EXOC2: variants seen among roughly 807,000 people sequenced by gnomAD.
EXOC2 encodes the protein SEC5-like 1.
Under a neutral mutation model 131.8 loss-of-function variants are expected in EXOC2, and 70 were observed. The observed-to-expected ratio is 0.53, with a 90% CI of 0.44 to 0.65. The LOEUF (loss-of-function observed/expected upper bound fraction) is 0.65. Among genes scored for constraint, EXOC2 ranks in the 30% least tolerant of loss-of-function variants. The probability of loss-of-function intolerance (pLI) is 0.00; values close to 1 mark genes in which losing one functional copy is unlikely to be tolerated. For missense variants in EXOC2, 923 were observed against 1,108.6 expected (o/e 0.83, Z 2.38); for synonymous variants, 411 against 398.4 (o/e 1.03, Z -0.38).
intron 1 of EXOC2, among the ~76,000 whole-genome samples, chr6:654,789 G>A (rs112104990): frequency 0.021 from 1,895 of 88,966 alleles, 38 homozygotes; most frequent in African/African-American, 0.073. Flanking sequence ...GGGTGACAGA[G>A]TAAGACCCTG....
At position 598,112 on chromosome 6, in the gene EXOC2, C is replaced by T. The variant is rs1411796483; in HGVS notation, c.982G>A (p.Val328Ile). The T allele has an allele frequency of 8.1e-6, 13 of 1,608,776 alleles. No homozygotes were observed. The highest frequency in any genetic ancestry group is 1.7e-5 in the Admixed American group (1 of 59,738). ...CTTAAAGCTTCAATCCTTGTTTCTACTTCAGCATAATCTATTTAAAAAGAA... is the reference window on the plus strand; with the variant it reads ...CTTAAAGCTTCAATCCTTGTTTCTATTTCAGCATAATCTATTTAAAAAGAA... ...VQVFKKYYAE[V>I]ETRIEALREL... Residue 328 changes from valine (V) to isoleucine (I), a missense_variant, in exon 10 of 28, where the codon GTA (valine) becomes ATA (isoleucine). Transcript: ENST00000230449.
chr6:589,584 A>G (rs929253687), intron 11 of EXOC2, among the ~76,000 whole-genome samples: 4 of 152,214 alleles, frequency 2.6e-5, no homozygotes, highest in East Asian at 1.9e-4. Context: ...AACTGAATAC[A>G]TGCCTATGTG....
intron 13 of EXOC2, among the ~76,000 whole-genome samples, chr6:565,840 ATATATT>A (rs1367211092): frequency 6.6e-6 from 1 of 152,216 alleles, no homozygotes; most frequent in East Asian, 1.9e-4. Flanking sequence ...CACGTTGTAT[ATATATT>A]TATTTCTGTA....
intron 23 of EXOC2, among the ~76,000 whole-genome samples, chr6:516,647 A>G (rs538421068): frequency 4.6e-5 from 7 of 152,372 alleles, no homozygotes; most frequent in Non-Finnish European, 7.3e-5. Context: ...CCAGGAGGAA[A>G]TAATAGCTGG....
At position 491,223 on chromosome 6, in the gene EXOC2, AT is replaced by A. The variant is rs769140655; in HGVS notation, c.2560-38del. 2.4e-5 allele frequency: 38 copies of A among 1,604,466 alleles called. No individual in the cohort carries two copies. The Admixed American group carries it at 2.5e-4, about 11-fold the overall frequency. On this transcript the variant is annotated intron_variant, in intron 25 of 27. Transcript: ENST00000230449. ...AAAAAGACAAAGTGACAACAGGAAA[AT>A]TTATATTATCAAATATAAACAAGTA...
Position 546,868 on chromosome 6 carries a change from T to C in EXOC2, c.2238+2307A>G, listed in dbSNP as rs571815198. On this transcript the variant is annotated intron_variant, in intron 22 of 27. Transcript: ENST00000230449. ...TTTTAGGGTGGTCAAAAGTTACACT[T>C]AGATTTTCGACTGCACAGGGGGTTG... Among the ~76,000 whole-genome samples the C allele has an allele frequency of 5.3e-5, 8 of 152,348 alleles. No homozygotes were observed. The South Asian group carries it at 1.7e-3, about 32-fold the overall frequency.
chr6:657,781 A>C (rs1261315263), intron 1 of EXOC2, among the ~76,000 whole-genome samples: 4 of 149,694 alleles, frequency 2.7e-5, no homozygotes, highest in Non-Finnish European at 5.9e-5. Flanking sequence ...AAAAAAAAAA[A>C]ATTCAACTTG....
At chr6:529,869 G>C (rs1561820495) in intron 23 of EXOC2, among the ~76,000 whole-genome samples, 3 of 152,186 alleles carry the variant, frequency 2.0e-5, no homozygotes. Context: ...AATCACAGGG[G>C]AAGATACGAA....
intron 23 of EXOC2, among the ~76,000 whole-genome samples, chr6:501,269 T>A (rs868599986): frequency 2.5e-4 from 2 of 7,916 alleles, no homozygotes; most frequent in African/African-American, 4.1e-4. Flanking sequence ...ATCTATATAT[T>A]ATATATATCT....
chr6:573,332 C>T (rs1034137600), intron 12 of EXOC2, among the ~76,000 whole-genome samples: 1 of 152,198 alleles, frequency 6.6e-6, no homozygotes, highest in African/African-American at 2.4e-5. Context: ...TCAGGACCCA[C>T]TCACCATGTC....
chr6:659,380 T>C (rs1763308519), intron 1 of EXOC2, among the ~76,000 whole-genome samples: 1 of 152,220 alleles, frequency 6.6e-6, no homozygotes, highest in South Asian at 2.1e-4. Flanking sequence ...CTGCCCTCCA[T>C]GGAATTTTAG....
chr6:674,141 C>A (rs1400171697), intron 1 of EXOC2, among the ~76,000 whole-genome samples: 1 of 152,178 alleles, frequency 6.6e-6, no homozygotes, highest in Non-Finnish European at 1.5e-5. Context: ...AAAATACCAA[C>A]TTGATCATAA....
At chr6:625,329 T>C (rs1477458528) in intron 4 of EXOC2, among the ~76,000 whole-genome samples, 2 of 152,248 alleles carry the variant, frequency 1.3e-5, no homozygotes, top group East Asian at 1.9e-4. Context: ...AGCGGTGTTA[T>C]TCCGCGCTTG....
chr6:499,529 C>A, intron 24 of EXOC2, 116 bp downstream of exon 24: 2 of 770,254 alleles, frequency 2.6e-6, no homozygotes, highest in South Asian at 1.7e-5. Flanking sequence ...TTATTTATAC[C>A]CAAGACACAT....
At chr6:534,976 A>G (rs998893917) in intron 22 of EXOC2, among the ~76,000 whole-genome samples, 1 of 152,240 alleles carries the variant, frequency 6.6e-6, no homozygotes, top group Admixed American at 6.5e-5. Context: ...CAAAATCTGC[A>G]AGAGAGAACC....
intron 1 of EXOC2, among the ~76,000 whole-genome samples, chr6:649,754 T>C (rs955741126): frequency 1.3e-5 from 2 of 152,240 alleles, no homozygotes; most frequent in African/African-American, 4.8e-5. Context: ...AAGTCTGTCA[T>C]ATGAATAAGC....
intron 17 of EXOC2, among the ~76,000 whole-genome samples, chr6:560,681 T>C (rs1254361440): frequency 1.3e-5 from 2 of 152,074 alleles, no homozygotes; most frequent in East Asian, 3.8e-4. Flanking sequence ...TTGTGACGAA[T>C]AGAAACCCAA....
chr6:509,225 G>A (rs1370068657), intron 23 of EXOC2, among the ~76,000 whole-genome samples: 2 of 152,130 alleles, frequency 1.3e-5, no homozygotes, highest in African/African-American at 2.4e-5. Flanking sequence ...CTACTATGGG[G>A]AACTTATGTT....
At chr6:501,148 T>A (rs1430766104) in intron 23 of EXOC2, among the ~76,000 whole-genome samples, 18 of 49,266 alleles carry the variant, frequency 3.7e-4, no homozygotes, top group African/African-American at 1.4e-3. Context: ...CTATATATAT[T>A]ATATATATCT....
Sources: gnomAD v4.1 joint callset for allele counts (sites outside exome capture counted in the v4.1 genomes callset) on GRCh38, gnomAD v4.1.1 for gene constraint, MANE v1.5 for transcripts, NCBI Gene and HGNC (gene_info 2026-07-23, HGNC 2026-07-21) for gene names.